SEM1: variants seen among roughly 807,000 people sequenced by gnomAD.
SEM1 encodes the protein 26S proteasome complex subunit SEM1.
SEM1 carries 3 observed loss-of-function variants against 12.7 expected under a neutral mutation model. The ratio of observed to expected loss-of-function variants is 0.24; its 90% CI spans 0.11 to 0.61. The LOEUF (loss-of-function observed/expected upper bound fraction) is 0.61, where lower values mean the gene tolerates loss of function less well. Ranked by LOEUF, SEM1 falls within the 20% of genes least tolerant of loss-of-function variation. The pLI is 0.88. For missense variants in SEM1, 59 were observed against 81.3 expected (o/e 0.73, Z 1.06); for synonymous variants, 30 against 27.8 (o/e 1.08, Z -0.25).
rs564738728 is a variant in SEM1, at chr7:96,574,202, T to C, written c.171-67504A>G. 2.0e-3 allele frequency among the ~76,000 whole-genome samples: 307 copies of C among 152,288 alleles called. 1 individual carries two copies. Among genetic ancestry groups the C allele is most frequent in the African/African-American group, 7.1e-3 (295 of 41,548 alleles). On this transcript the variant is annotated intron_variant and NMD_transcript_variant, in intron 2 of 3. Coordinates refer to the SEM1 transcript ENST00000466986. ...CATGTGGTGTTTGGTTTTTTGTCCT[T>C]GTGATAGTTTGCTGAGAATGATGGT...
chr7:96,606,144 T>C (rs1807371366), intron 2 of SEM1, among the ~76,000 whole-genome samples: 1 of 152,222 alleles, frequency 6.6e-6, no homozygotes, highest in Non-Finnish European at 1.5e-5. Context: ...CTATGCCTAA[T>C]TTACAAATTA....
upstream of SEM1, among the ~76,000 whole-genome samples, chr7:96,497,717 G>A (rs1452050825): frequency 6.6e-6 from 1 of 152,118 alleles, no homozygotes; most frequent in Non-Finnish European, 1.5e-5. Context: ...TTTAGACATT[G>A]GACAGTAGAG....
chr7:96,651,764 G>T (rs1209351023), intron 2 of SEM1, among the ~76,000 whole-genome samples: 3 of 152,058 alleles, frequency 2.0e-5, no homozygotes, highest in Non-Finnish European at 2.9e-5. Context: ...GTAGAGACGG[G>T]GATTCACCAT....
intron 2 of SEM1, among the ~76,000 whole-genome samples, chr7:96,518,419 T>A (rs1308939741): frequency 6.6e-6 from 1 of 152,120 alleles, no homozygotes. Context: ...AAGTATAATG[T>A]TGTCATTAAG....
chr7:96,599,056 G>C (rs377245173), intron 2 of SEM1, among the ~76,000 whole-genome samples: 1 of 152,036 alleles, frequency 6.6e-6, no homozygotes, highest in African/African-American at 2.4e-5. Flanking sequence ...GGCAGAGGGA[G>C]GGAGGAAGGA....
chr7:96,546,667 G>A (rs2115816024), intron 2 of SEM1, among the ~76,000 whole-genome samples: 1 of 152,162 alleles, frequency 6.6e-6, no homozygotes, highest in South Asian at 2.1e-4. Flanking sequence ...CATTCCACCG[G>A]CACGATCTTC....
At chr7:96,509,466 C>A (rs1168021530) in intron 2 of SEM1, among the ~76,000 whole-genome samples, 1 of 152,090 alleles carries the variant, frequency 6.6e-6, no homozygotes, top group Non-Finnish European at 1.5e-5. Context: ...GAGTTATCAG[C>A]ATCAATGTGG....
At chr7:96,666,366 A>G (rs778797767) in intron 2 of SEM1, among the ~76,000 whole-genome samples, 2 of 152,132 alleles carry the variant, frequency 1.3e-5, no homozygotes, top group East Asian at 1.9e-4. Flanking sequence ...TATTACTGTG[A>G]CTTTGGGTAA....
At chr7:96,483,569 A>G (rs906925448) in exon 4 of SEM1, 5 of 408,626 alleles carry the variant, frequency 1.2e-5, no homozygotes, top group Admixed American at 1.1e-4. Flanking sequence ...ACTGGGCTCT[A>G]TTTTCACTCT....
Position 96,688,833 on chromosome 7 carries a change from A to C in SEM1, c.*91T>G. 1.4e-6 allele frequency: 1 copy of C among 736,520 alleles called. No homozygotes were observed. The highest frequency in any genetic ancestry group is 2.4e-6 in the Non-Finnish European group (1 of 421,764). 45.6% of individuals were successfully genotyped at this position (736,520 alleles called of 1,614,324 possible). A position where few individuals can be genotyped will look rare whatever the true frequency, so the allele number is the denominator to read the frequency against. On this transcript the variant is annotated 3_prime_UTR_variant, in exon 3 of 3. Transcript: ENST00000248566. ...TAAATCCAAGCAGATAATGAAATAA[A>C]CACATTTTTTTAGTGTCCCATCCTG...
intron 2 of SEM1, among the ~76,000 whole-genome samples, chr7:96,675,131 G>C (rs2115618681): frequency 6.7e-6 from 1 of 148,210 alleles, no homozygotes; most frequent in South Asian, 2.1e-4. Flanking sequence ...AAAAGGAAAA[G>C]GTGGAAAATA....
chr7:96,574,765 T>A (rs925231264), intron 2 of SEM1, among the ~76,000 whole-genome samples: 1 of 152,192 alleles, frequency 6.6e-6, no homozygotes, highest in Non-Finnish European at 1.5e-5. Context: ...GCTATTGATA[T>A]TTATGTATGC....
At chr7:96,547,986 T>C (rs1328755357) in intron 2 of SEM1, among the ~76,000 whole-genome samples, 1 of 152,132 alleles carries the variant, frequency 6.6e-6, no homozygotes, top group East Asian at 1.9e-4. Context: ...TAGGTCAAAG[T>C]TGAGATGGGG....
chr7:96,518,050 T>G (rs182741433), intron 2 of SEM1, among the ~76,000 whole-genome samples: 1 of 152,278 alleles, frequency 6.6e-6, no homozygotes, highest in African/African-American at 2.4e-5. Context: ...GATATAGCAT[T>G]TGAAATTAGA....
chr7:96,608,975 T>C (rs542504264), intron 2 of SEM1, among the ~76,000 whole-genome samples: 1 of 152,308 alleles, frequency 6.6e-6, no homozygotes, highest in Admixed American at 6.5e-5. Context: ...AAACAGAAAT[T>C]GTATAAATAC....
At chr7:96,635,107 G>C (rs898427847) in intron 2 of SEM1, among the ~76,000 whole-genome samples, 1 of 151,944 alleles carries the variant, frequency 6.6e-6, no homozygotes, top group Non-Finnish European at 1.5e-5. Context: ...AATTAATTTG[G>C]GATATGTTTT....
intron 2 of SEM1, among the ~76,000 whole-genome samples, chr7:96,634,992 G>A (rs182331066): frequency 1.3e-5 from 2 of 152,086 alleles, no homozygotes. Context: ...GAACTACAAA[G>A]AGCCAGTATG....
At chr7:96,700,120 A>G (rs1414818985) in intron 1 of SEM1, among the ~76,000 whole-genome samples, 1 of 152,202 alleles carries the variant, frequency 6.6e-6, no homozygotes, top group Non-Finnish European at 1.5e-5. Flanking sequence ...AATGGCAGCT[A>G]ATACCATTCT....
chr7:96,627,083 T>C (rs1443912161), intron 2 of SEM1, among the ~76,000 whole-genome samples: 1 of 152,012 alleles, frequency 6.6e-6, no homozygotes, highest in African/African-American at 2.4e-5. Context: ...CTAATGATCC[T>C]GTGAATTTCT....
Sources: allele counts gnomAD v4.1 joint callset (sites outside exome capture counted in the v4.1 genomes callset), GRCh38; gene constraint gnomAD v4.1.1; transcripts MANE v1.5; gene names NCBI Gene and HGNC (gene_info 2026-07-23, HGNC 2026-07-21).